CCDC112: variants seen among roughly 807,000 people sequenced by gnomAD.
The protein encoded by CCDC112 is coiled-coil domain containing 112.
A neutral mutation model predicts 66.3 loss-of-function variants in CCDC112; 40 were observed. The ratio of observed to expected loss-of-function variants is 0.60; its 90% CI spans 0.47 to 0.79. The LOEUF is 0.79. Among genes scored for constraint, CCDC112 ranks in the 30% least tolerant of loss-of-function variants. The probability of loss-of-function intolerance (pLI) is 0.00; values close to 1 mark genes in which losing one functional copy is unlikely to be tolerated. For missense variants in CCDC112, 659 were observed against 603.8 expected, an observed-to-expected ratio of 1.09 and a Z score of -0.96; for synonymous variants, 214 against 197.2, an observed-to-expected ratio of 1.09 and a Z score of -0.71.
chr5:115,289,688 C>A (rs1407389904), intron 1 of CCDC112, among the ~76,000 whole-genome samples: 2 of 152,140 alleles, frequency 1.3e-5, no homozygotes, highest in Non-Finnish European at 2.9e-5. Context: ...TATTTTCTCC[C>A]ATACTCTGAC....
At chr5:115,288,893 G>C in intron 1 of CCDC112, 1 of 448,568 alleles carries the variant, frequency 2.2e-6, no homozygotes, top group Non-Finnish European at 4.4e-6. Context: ...TAAAAAACTT[G>C]CATTTACAAG....
intron 2 of CCDC112, among the ~76,000 whole-genome samples, chr5:115,282,670 A>G (rs1749506919): frequency 6.6e-6 from 1 of 152,156 alleles, no homozygotes; most frequent in African/African-American, 2.4e-5. Context: ...ATAAACACAT[A>G]AAATATCTGG....
At chr5:115,284,418 TA>T (rs1580805063) in intron 2 of CCDC112, among the ~76,000 whole-genome samples, 3 of 152,158 alleles carry the variant, frequency 2.0e-5, no homozygotes, top group East Asian at 1.9e-4. Flanking sequence ...ATACACATAA[TA>T]AAAAAACACA....
intron 6 of CCDC112, among the ~76,000 whole-genome samples, chr5:115,274,380 C>G (rs1490590429): frequency 6.6e-6 from 1 of 152,038 alleles, no homozygotes; most frequent in Non-Finnish European, 1.5e-5. Flanking sequence ...AAAAATGGAC[C>G]TTTTTAGGTA....
At chr5:115,292,817 G>A (rs1749991249) in intron 1 of CCDC112, among the ~76,000 whole-genome samples, 1 of 152,228 alleles carries the variant, frequency 6.6e-6, no homozygotes. Flanking sequence ...CTTTGGGAAA[G>A]GGGGTCTGTA....
chr5:115,285,800 G>C (rs1273003908), intron 1 of CCDC112, among the ~76,000 whole-genome samples: 4 of 152,080 alleles, frequency 2.6e-5, no homozygotes, highest in Non-Finnish European at 5.9e-5. Context: ...GGCAAGACTG[G>C]AAGCAGGAGA....
chr5:115,279,902 T>G, intron 2 of CCDC112, 134 bp from the exon 3 acceptor site: 1 of 575,774 alleles, frequency 1.7e-6, no homozygotes, highest in Non-Finnish European at 2.9e-6. Context: ...TTACTTTGGT[T>G]AATAAGGCTA....
At position 115,275,432 on chromosome 5, in the gene CCDC112, T is replaced by C; in HGVS notation, c.702A>G (p.Leu234=). The C allele has an allele frequency of 6.2e-7, 1 of 1,614,114 alleles. No individual in the cohort carries two copies. The highest frequency in any genetic ancestry group is 1.3e-5 in the African/African-American group (1 of 75,044). The change falls in exon 6 of 10, where the codon CTA becomes CTG. Residue 234 remains leucine (L), a synonymous_variant. Transcript: ENST00000379611. ...VTPSTLPEEV[L]DFEKFLQQTG... is the part of the protein sequence containing the mutation. ...TTTGCTGAAGGAATTTTTCAAAATC[T>C]AGTACCTCTTCTGGAAGAGTACTTG...
intron 6 of CCDC112, among the ~76,000 whole-genome samples, chr5:115,272,539 C>T (rs1749050116): frequency 6.6e-6 from 1 of 152,126 alleles, no homozygotes; most frequent in Non-Finnish European, 1.5e-5. Flanking sequence ...AATGAGTTAG[C>T]GTCTGGCACA....
chr5:115,288,981 C>A, intron 1 of CCDC112: 1 of 315,834 alleles, frequency 3.2e-6, no homozygotes, highest in Non-Finnish European at 6.0e-6. Flanking sequence ...TGATATTAAT[C>A]AGATTGGCTT....
intron 6 of CCDC112, among the ~76,000 whole-genome samples, chr5:115,272,626 G>T (rs1233330095): frequency 6.6e-6 from 1 of 152,188 alleles, no homozygotes; most frequent in Admixed American, 6.5e-5. Context: ...ATATGGGTAT[G>T]TAAAAATTAT....
chr5:115,288,104 C>T (rs1749760273), intron 1 of CCDC112, among the ~76,000 whole-genome samples: 1 of 152,024 alleles, frequency 6.6e-6, no homozygotes, highest in African/African-American at 2.4e-5. Context: ...CCTCAGCCTC[C>T]CGAGTAGCTG....
chr5:115,287,008 C>T (rs267300), intron 1 of CCDC112, among the ~76,000 whole-genome samples: 136,684 of 152,212 alleles, frequency 0.9, 61,582 homozygotes, highest in African/African-American at 0.97. Flanking sequence ...AGACATACGA[C>T]TTGTAAATAT....
chr5:115,273,835 C>T (rs1298263374), intron 6 of CCDC112, among the ~76,000 whole-genome samples: 4 of 152,188 alleles, frequency 2.6e-5, no homozygotes, highest in Non-Finnish European at 4.4e-5. Flanking sequence ...TTTGAGAATC[C>T]CATGTTTTCA....
intron 1 of CCDC112, among the ~76,000 whole-genome samples, chr5:115,295,707 T>C (rs987101406): frequency 9.2e-5 from 14 of 152,134 alleles, no homozygotes; most frequent in African/African-American, 3.4e-4. Context: ...GGAGCTTACA[T>C]TCTCATGGGG....
At chr5:115,288,108 G>A (rs988201224) in intron 1 of CCDC112, among the ~76,000 whole-genome samples, 1 of 151,862 alleles carries the variant, frequency 6.6e-6, no homozygotes, top group Non-Finnish European at 1.5e-5. Context: ...AGCCTCCCGA[G>A]TAGCTGGGAT....
At chr5:115,278,586 A>G (rs933013542) in intron 3 of CCDC112, among the ~76,000 whole-genome samples, 2 of 152,108 alleles carry the variant, frequency 1.3e-5, no homozygotes, top group African/African-American at 4.8e-5. Flanking sequence ...TTTGCACAAA[A>G]TTTTACTTAT....
intron 1 of CCDC112, among the ~76,000 whole-genome samples, chr5:115,295,471 C>T (rs539730804): frequency 1.3e-5 from 2 of 152,058 alleles, no homozygotes; most frequent in Admixed American, 6.5e-5. Flanking sequence ...GAAAATTTGC[C>T]GTAGGTGGAA....
chr5:115,290,627 A>G (rs1243932660), intron 1 of CCDC112, among the ~76,000 whole-genome samples: 1 of 152,198 alleles, frequency 6.6e-6, no homozygotes, highest in African/African-American at 2.4e-5. Context: ...AACATTAAGT[A>G]TTCATTTATA....
Sources: gnomAD v4.1 joint callset for allele counts (sites outside exome capture counted in the v4.1 genomes callset) on GRCh38, gnomAD v4.1.1 for gene constraint, MANE v1.5 for transcripts, NCBI Gene and HGNC (gene_info 2026-07-23, HGNC 2026-07-21) for gene names.